GSDME: variants seen among roughly 807,000 people sequenced by gnomAD.
GSDME encodes gasdermin-E.
Under a neutral mutation model 47.5 loss-of-function variants are expected in GSDME, and 44 were observed. The ratio of observed to expected loss-of-function variants is 0.93; its 90% CI spans 0.73 to 1.19. GSDME has a LOEUF of 1.19. Ranked by LOEUF, GSDME falls within the 50% of genes most tolerant of loss-of-function variation. The probability of loss-of-function intolerance (pLI) is 0.00; values close to 1 mark genes in which losing one functional copy is unlikely to be tolerated. For synonymous variants in GSDME, 258 were observed against 252.8 expected (o/e 1.02, Z -0.20); for missense variants, 663 against 604.2 (o/e 1.10, Z -1.02).
At chr7:24,711,861 C>G (rs933176907) in intron 5 of GSDME, among the ~76,000 whole-genome samples, 1 of 150,286 alleles carries the variant, frequency 6.7e-6, no homozygotes, top group Non-Finnish European at 1.5e-5. Context: ...TCAAACACTT[C>G]CATATTTGAG....
In GSDME at chr7:24,754,795, T is replaced by C. The variant is rs1360365843; in HGVS notation, c.-20+2601A>G. Among the ~76,000 whole-genome samples the C allele has an allele frequency of 6.6e-6, 1 of 152,220 alleles. No homozygotes were observed. The highest frequency in any genetic ancestry group is 1.5e-5 in the Non-Finnish European group (1 of 68,032). On this transcript the variant is annotated intron_variant, in intron 1 of 9. Transcript: ENST00000645220. The surrounding 1 kb of genome is among the most constrained non-coding windows in gnomAD (Gnocchi z 5.0). ...TAAGACTGATTCAGTCATGGAGTTA[T>C]CTAGTTTTTAAATTAGAAGAGAAAC...
At chr7:24,792,348 G>T in the GSDME span, among the ~76,000 whole-genome samples, 5 of 152,150 alleles carry the variant, frequency 3.3e-5, no homozygotes, top group Non-Finnish European at 7.3e-5. Context: ...CTGTATATTG[G>T]GGGGCAAGAC....
At chr7:24,752,624 AAG>A (rs1790892503) in intron 1 of GSDME, among the ~76,000 whole-genome samples, 2 of 152,160 alleles carry the variant, frequency 1.3e-5, no homozygotes, top group Non-Finnish European at 2.9e-5. Context: ...GCCAGTTACC[AAG>A]AGAGGGAATT....
chr7:24,708,372 T>A (rs923908612), intron 6 of GSDME, 118 bp from the exon 7 acceptor site: 5 of 1,242,542 alleles, frequency 4.0e-6, no homozygotes, highest in Non-Finnish European at 4.6e-6. Context: ...TATTCCCAGC[T>A]GCATAGTCAG....
the GSDME span, among the ~76,000 whole-genome samples, chr7:24,780,963 G>A: frequency 2.0e-5 from 3 of 152,208 alleles, no homozygotes; most frequent in East Asian, 3.8e-4. This position sits in a 1 kb window ranked among gnomAD's most constrained non-coding sequence, Gnocchi z 4.1. Flanking sequence ...GTACCCAGGT[G>A]ACCTTGACGC....
chr7:24,791,444 G>C, the GSDME span, among the ~76,000 whole-genome samples: 28 of 152,332 alleles, frequency 1.8e-4, no homozygotes, highest in African/African-American at 6.7e-4. This position sits in a 1 kb window ranked among gnomAD's most constrained non-coding sequence, Gnocchi z 4.8. Context: ...GCATTGTGCT[G>C]CTAGGAGGTG....
At position 24,701,638 on chromosome 7, in the gene GSDME, A is replaced by G. The variant is rs142344535; in HGVS notation, c.1257+1122T>C. Among the ~76,000 whole-genome samples, 370 of 152,358 alleles carry G rather than the reference A, an allele frequency of 2.4e-3. 1 individual carries two copies. The highest frequency in any genetic ancestry group is 8.3e-3 in the African/African-American group (344 of 41,572). On this transcript the variant is annotated intron_variant, in intron 9 of 9. Transcript: ENST00000645220. ...TGAAAGCAGAGCTGTTGTTTTGCTC[A>G]TCATTGCATACAATTAGAATAATGG...
intron 4 of GSDME, among the ~76,000 whole-genome samples, chr7:24,718,559 C>A (rs1403999599): frequency 6.6e-6 from 1 of 152,246 alleles, no homozygotes; most frequent in African/African-American, 2.4e-5. Context: ...TTGGCCTGAT[C>A]AGTGCCTGTG....
At chr7:24,755,982 A>C (rs1021607979) in intron 1 of GSDME, among the ~76,000 whole-genome samples, 2 of 152,202 alleles carry the variant, frequency 1.3e-5, no homozygotes, top group African/African-American at 4.8e-5. Context: ...TGGGTCTATT[A>C]AATTAGAACA....
intron 2 of GSDME, among the ~76,000 whole-genome samples, chr7:24,747,137 T>G (rs970169281): frequency 6.6e-6 from 1 of 152,228 alleles, no homozygotes; most frequent in Non-Finnish European, 1.5e-5. Context: ...AAACTCCAAT[T>G]ACTCAGGAGT....
intron 6 of GSDME, 39 bp from the exon 7 acceptor site, chr7:24,708,293 T>C: frequency 6.2e-7 from 1 of 1,612,866 alleles, no homozygotes; most frequent in East Asian, 2.2e-5. Flanking sequence ...ATGACTGCGA[T>C]GCACATCTCA....
At chr7:24,794,942 C>T in the GSDME span, among the ~76,000 whole-genome samples, 1 of 152,118 alleles carries the variant, frequency 6.6e-6, no homozygotes, top group South Asian at 2.1e-4. Context: ...CAGTTCAAAT[C>T]CAGAAGTCAA....
At chr7:24,790,431 T>C in the GSDME span, among the ~76,000 whole-genome samples, 20 of 152,186 alleles carry the variant, frequency 1.3e-4, no homozygotes, top group Non-Finnish European at 2.5e-4. The surrounding 1 kb of genome is among the most constrained non-coding windows in gnomAD (Gnocchi z 4.1). Flanking sequence ...ACGGGAAGCA[T>C]AGACAGGGAA....
chr7:24,787,541 G>A, the GSDME span, among the ~76,000 whole-genome samples: 7 of 152,244 alleles, frequency 4.6e-5, no homozygotes, highest in East Asian at 9.7e-4. This position sits in a 1 kb window ranked among gnomAD's most constrained non-coding sequence, Gnocchi z 5.0. Flanking sequence ...AGCCAAATCT[G>A]AGAATCACTG....
rs184254591 is a variant in GSDME at position 24,729,479 on chromosome 7, T to C, written c.405-10261A>G. ...GGAAACGGACACAGACGCAGGCAAC[T>C]TCCGACACACTTGACCCTACGGCGT... On this transcript the variant is annotated intron_variant, in intron 3 of 9. Coordinates refer to ENST00000645220, the MANE Select transcript of GSDME (RefSeq NM_001127453.2). Among the ~76,000 whole-genome samples the C allele has an allele frequency of 8.8e-4, 134 of 152,350 alleles. 1 individual carries two copies. Among genetic ancestry groups the C allele is most frequent in the Non-Finnish European group, 1.7e-3 (117 of 68,040 alleles).
In GSDME at chr7:24,739,523, T is replaced by C. The variant is rs1377918970; in HGVS notation, c.404+5039A>G. The stretch of plus-strand genomic sequence containing the variant: ...AAAAAAAGGGAATGCCTGTACACTG[T>C]TGGTGGGAATGTAATGCAAATTACT... On this transcript the variant is annotated intron_variant, in intron 3 of 9. Transcript: ENST00000645220. The surrounding 1 kb of genome is among the most constrained non-coding windows in gnomAD (Gnocchi z 5.1). Among the ~76,000 whole-genome samples the C allele has an allele frequency of 6.6e-6, 1 of 152,106 alleles. No homozygotes were observed. Among genetic ancestry groups the C allele is most frequent in the Non-Finnish European group, 1.5e-5 (1 of 68,008 alleles).
chr7:24,743,188 C>T (rs1790543325), intron 3 of GSDME, among the ~76,000 whole-genome samples: 1 of 152,210 alleles, frequency 6.6e-6, no homozygotes, highest in East Asian at 1.9e-4. Context: ...AAAATCCACC[C>T]ACCTAATGCT....
At chr7:24,737,940 T>G (rs1391462626) in intron 3 of GSDME, among the ~76,000 whole-genome samples, 1 of 152,078 alleles carries the variant, frequency 6.6e-6, no homozygotes, top group Non-Finnish European at 1.5e-5. Context: ...TCAACATCCC[T>G]TCAAGATAAA....
intron 3 of GSDME, chr7:24,743,984 A>G (rs781760060): frequency 1.1e-5 from 2 of 175,020 alleles, no homozygotes; most frequent in Non-Finnish European, 2.4e-5. Context: ...AGAACAGTAC[A>G]TGGCACATAG....
Sources: allele counts gnomAD v4.1 joint callset (sites outside exome capture counted in the v4.1 genomes callset), GRCh38; gene constraint gnomAD v4.1.1; non-coding constraint Gnocchi (gnomAD v3.1); transcripts MANE v1.5; gene names NCBI Gene and HGNC (gene_info 2026-07-23, HGNC 2026-07-21).